TNNT1: variants seen among roughly 807,000 people sequenced by gnomAD.
TNNT1 encodes troponin T1, slow skeletal type.
TNNT1 carries 53 observed loss-of-function variants against 50.6 expected under a neutral mutation model. The observed-to-expected ratio is 1.05, with a 90% confidence interval of 0.84 to 1.32. The LOEUF (loss-of-function observed/expected upper bound fraction) is 1.32, where lower values mean the gene tolerates loss of function less well. TNNT1 is among the 40% of genes most tolerant of loss of function. TNNT1 has a pLI of 0.00. For missense variants in TNNT1, 348 were observed against 381.7 expected (o/e 0.91, Z 0.74); for synonymous variants, 142 against 138.0 (o/e 1.03, Z -0.20).
chr19:55,134,346 T>C (rs1033377964), intron 11 of TNNT1, 142 bp from the exon 12 acceptor site: 1 of 836,126 alleles, frequency 1.2e-6, no homozygotes, highest in East Asian at 2.7e-5. Context: ...CTGTGCCCAC[T>C]TTCTCCACAT....
intron 6 of TNNT1, among the ~76,000 whole-genome samples, chr19:55,143,069 T>C (rs2085487813): frequency 6.6e-6 from 1 of 151,132 alleles, no homozygotes; most frequent in South Asian, 2.1e-4. Flanking sequence ...CTCAGGAGGC[T>C]GAGGCAGGAG....
chr19:55,137,927 A>G (rs762127475), intron 10 of TNNT1, 34 bp downstream of exon 10: 1 of 1,613,838 alleles, frequency 6.2e-7, no homozygotes, highest in East Asian at 2.2e-5. Flanking sequence ...GCCCCCTCAG[A>G]ACTCAGACCT....
At position 55,140,927 on chromosome 19, in the gene TNNT1, G is replaced by C; in HGVS notation, c.343C>G (p.Arg115Gly). Residue 115 changes from arginine to glycine, a missense_variant, in exon 9 of 14, where the codon CGC becomes GGC. Around this residue, in one of 3 missense-constraint regions of TNNT1, gnomAD observed 253 missense variants for 291.8 expected, o/e 0.87. Coordinates refer to ENST00000588981, the MANE Select transcript of TNNT1 (RefSeq NM_003283.6). ...TCGCGTTCCTTCTCAGTTCTGAAGCGCTGTTGCTCGGCTCTCTCTGACCGG... is the reference window on the plus strand; with the variant it reads ...TCGCGTTCCTTCTCAGTTCTGAAGCCCTGTTGCTCGGCTCTCTCTGACCGG... Reference protein sequence around the residue: ...RRRSERAEQQRFRTEKERERQ... With the variant: ...RRRSERAEQQGFRTEKERERQ... 1 of 1,613,808 alleles carries C rather than the reference G, an allele frequency of 6.2e-7. No homozygotes were observed. The highest frequency in any genetic ancestry group is 1.1e-5 in the South Asian group (1 of 91,064).
rs1298941917 is a variant in TNNT1, at chr19:55,135,185, T to C, written c.612-981A>G. On this transcript the variant is annotated intron_variant, in intron 11 of 13. Coordinates refer to ENST00000588981, the MANE Select transcript of TNNT1 (RefSeq NM_003283.6). ...TGGGTGCGGCTTCCAAAAGAGACTGTGTGGCTCTTCTCTTGCGTCTTCTTT... is the reference window on the plus strand; with the variant it reads ...TGGGTGCGGCTTCCAAAAGAGACTGCGTGGCTCTTCTCTTGCGTCTTCTTT... Among the ~76,000 whole-genome samples, 4 of 150,584 alleles carry C rather than the reference T, an allele frequency of 2.7e-5. No individual in the cohort carries two copies. The East Asian group carries it at 5.9e-4, about 22-fold the overall frequency.
intron 5 of TNNT1, 92 bp from the exon 6 acceptor site, chr19:55,145,657 C>T (rs1383255474): frequency 2.7e-6 from 4 of 1,460,322 alleles, no homozygotes; most frequent in Non-Finnish European, 1.9e-6. Flanking sequence ...ACCCCCCAAG[C>T]CTCGGCCCCC....
intron 1 of TNNT1, among the ~76,000 whole-genome samples, chr19:55,148,733 T>A (rs1599901260): frequency 1.3e-5 from 2 of 151,756 alleles, no homozygotes; most frequent in African/African-American, 2.4e-5. Context: ...TCATAATGTC[T>A]CAGATTCCGA....
chr19:55,145,708 G>T, intron 5 of TNNT1, 143 bp from the exon 6 acceptor site: 1 of 772,004 alleles, frequency 1.3e-6, no homozygotes, highest in Non-Finnish European at 2.2e-6. Context: ...TTCTGGAGGA[G>T]GGGGGATGGG....
In TNNT1 at chr19:55,146,575, C is replaced by G. The variant is rs573032560; in HGVS notation, c.73+106G>C. ...AGAGACGTGAGAGGCTGTTAGAGGACCGGGAGCCGAGGCCGTCGGGAGCCC... is the reference window on the plus strand; with the variant it reads ...AGAGACGTGAGAGGCTGTTAGAGGAGCGGGAGCCGAGGCCGTCGGGAGCCC... On this transcript the variant is annotated intron_variant, in intron 4 of 13. Transcript: ENST00000588981. 5.8e-4 allele frequency: 702 copies of G among 1,205,592 alleles called. 6 individuals are homozygous for G. Among genetic ancestry groups the G allele is most frequent in the Non-Finnish European group, 7.4e-5 (66 of 897,246 alleles). The allele number at this position is 1,205,592 out of a possible 1,614,324, so 74.7% of individuals were successfully genotyped here.
At chr19:55,146,593 G>C (rs1407509036) in intron 4 of TNNT1, 88 bp downstream of exon 4, 10 of 1,230,402 alleles carry the variant, frequency 8.1e-6, no homozygotes, top group Non-Finnish European at 1.1e-5. Flanking sequence ...CGAGGCCGTC[G>C]GGAGCCCCAT....
Position 55,132,822 on chromosome 19 carries a change from C to T in TNNT1, c.*93G>A. ...TCTCAACCATAATAACATCAGAGAA[C>T]CCAGCGGGTGTCTGAGGGGAGCGTT... On this transcript the variant is annotated 3_prime_UTR_variant, in exon 14 of 14. Coordinates refer to ENST00000588981, the MANE Select transcript of TNNT1 (RefSeq NM_003283.6). 1.6e-6 allele frequency: 2 copies of T among 1,227,440 alleles called. No homozygotes were observed. The highest frequency in any genetic ancestry group is 2.3e-6 in the Non-Finnish European group (2 of 851,748). The allele number at this position is 1,227,440 out of a possible 1,614,324, so 76.0% of individuals were successfully genotyped here.
In TNNT1 at chr19:55,141,920, G is replaced by A. The variant is rs781559740; in HGVS notation, c.129C>T (p.Ser43=). The A allele has an allele frequency of 1.9e-6, 3 of 1,613,950 alleles. No homozygotes were observed. The highest frequency in any genetic ancestry group is 2.2e-5 in the East Asian group (1 of 44,852). ...GGATCAAAGGAGGCACCACGGGGCG[G>A]CTGAGTGGACAGAAACACAGAGACC... ...AEPEEERPKP[S]RPVVPPLIPP... Residue 43 remains serine (S), a splice_region_variant and synonymous_variant, in exon 7 of 14, where the codon AGC becomes AGT. Transcript: ENST00000588981.
At position 55,141,198 on chromosome 19, in the gene TNNT1, C is replaced by G. The variant is rs1473091399; in HGVS notation, c.297G>C (p.Leu99Phe). 2 of 1,614,096 alleles carry G rather than the reference C, an allele frequency of 1.2e-6. No homozygotes were observed. Among genetic ancestry groups the G allele is most frequent in the Non-Finnish European group, 8.5e-7 (1 of 1,180,014 alleles). The change falls in exon 8 of 14, where the codon TTG (leucine) becomes TTC (phenylalanine). Residue 99 changes from leucine to phenylalanine, a missense_variant. Physicochemically the swap from Leu to Phe is conservative, Grantham distance 22 (BLOSUM62 0). This residue lies in a region of TNNT1 where 253 missense variants were observed against 291.8 expected (regional missense o/e 0.87). Transcript: ENST00000588981. ...ACTCTCGGCTCACAATGCGCTCCTTCAAGGCAACCAGCTCCTCTTCCTCCT... is the reference window on the plus strand; with the variant it reads ...ACTCTCGGCTCACAATGCGCTCCTTGAAGGCAACCAGCTCCTCTTCCTCCT... ...RKKEEEELVA[L>F]KERIERRRSE...
At chr19:55,148,397 C>G (rs2085620263) in intron 1 of TNNT1, among the ~76,000 whole-genome samples, 1 of 152,002 alleles carries the variant, frequency 6.6e-6, no homozygotes, top group African/African-American at 2.4e-5. Context: ...CACCCTGACC[C>G]CTACATTCTT....
chr19:55,142,055 G>A (rs1373587136), intron 6 of TNNT1, 135 bp from the exon 7 acceptor site: 9 of 810,484 alleles, frequency 1.1e-5, no homozygotes, highest in Admixed American at 1.9e-5. Flanking sequence ...CAGCTGAGGC[G>A]GGCTGTCAGT....
At chr19:55,148,281 C>T (rs971717828) in intron 1 of TNNT1, among the ~76,000 whole-genome samples, 3 of 151,964 alleles carry the variant, frequency 2.0e-5, no homozygotes, top group Non-Finnish European at 2.9e-5. Context: ...CTCTCCCACT[C>T]GCCCCACCCC....
rs1276037419 is a variant in TNNT1 at position 55,146,329 on chromosome 19, G to C, written c.106+105C>G. ...GACCGGGCCTGGGGGCGGGTTATGGGGGCGGAGGGAGGGAAGGGTGGTCTT... is the reference window on the plus strand; with the variant it reads ...GACCGGGCCTGGGGGCGGGTTATGGCGGCGGAGGGAGGGAAGGGTGGTCTT... On this transcript the variant is annotated intron_variant, in intron 5 of 13. Coordinates refer to ENST00000588981, the MANE Select transcript of TNNT1 (RefSeq NM_003283.6). 1.2e-5 allele frequency: 9 copies of C among 759,974 alleles called. 1 individual carries two copies. Among genetic ancestry groups the C allele is most frequent in the Non-Finnish European group, 1.9e-6 (1 of 523,680 alleles). The allele number at this position is 759,974 out of a possible 1,614,324, so 47.1% of individuals were successfully genotyped here.
chr19:55,143,381 C>G (rs1407569738), intron 6 of TNNT1, among the ~76,000 whole-genome samples: 3 of 152,168 alleles, frequency 2.0e-5, no homozygotes, highest in African/African-American at 2.4e-5. Flanking sequence ...CAGCCCTCAG[C>G]CTGCTCTGAT....
In TNNT1 at chr19:55,147,028, A is replaced by C. The variant is rs771002524; in HGVS notation, c.33-7T>G. 2 of 1,611,798 alleles carry C rather than the reference A, an allele frequency of 1.2e-6. No individual in the cohort carries two copies. The highest frequency in any genetic ancestry group is 1.7e-6 in the Non-Finnish European group (2 of 1,179,258). Reference sequence around the variant, plus strand: ...CTCACCTTCCGGCTGCTCCCTGCGGACGGGTGTGGGGAGAGAGGAGGGAGG... The same window carrying C: ...CTCACCTTCCGGCTGCTCCCTGCGGCCGGGTGTGGGGAGAGAGGAGGGAGG... On this transcript the variant is annotated splice_region_variant and splice_polypyrimidine_tract_variant and intron_variant, in intron 2 of 13. Coordinates refer to ENST00000588981, the MANE Select transcript of TNNT1 (RefSeq NM_003283.6).
intron 7 of TNNT1, among the ~76,000 whole-genome samples, chr19:55,141,602 G>A (rs896327498): frequency 6.6e-6 from 1 of 151,128 alleles, no homozygotes; most frequent in African/African-American, 2.4e-5. Context: ...TCCTGCCTCA[G>A]CCTCCCGAGT....
Sources: gnomAD v4.1 joint callset for allele counts (sites outside exome capture counted in the v4.1 genomes callset) on GRCh38, gnomAD v4.1.1 for gene constraint, gnomAD v4.1.1 regional missense constraint, MANE v1.5 for transcripts, NCBI Gene and HGNC (gene_info 2026-07-23, HGNC 2026-07-21) for gene names.